Variants in PDGFC observed in about 807,000 individuals in gnomAD.
PDGFC encodes platelet-derived growth factor C.
In PDGFC, 12 loss-of-function variants were observed where a neutral mutation model predicts 35.5. The observed-to-expected ratio is 0.34, with a 90% CI of 0.22 to 0.55. The LOEUF (loss-of-function observed/expected upper bound fraction) is 0.55. Ranked by LOEUF, PDGFC falls within the 20% of genes least tolerant of loss-of-function variation. The probability of loss-of-function intolerance (pLI) is 0.91; values close to 1 mark genes in which losing one functional copy is unlikely to be tolerated. For synonymous variants in PDGFC, 159 were observed against 148.8 expected, an observed-to-expected ratio of 1.07 and a Z score of -0.50; for missense variants, 322 against 412.4, an observed-to-expected ratio of 0.78 and a Z score of 1.90.
At chr4:156,832,209 TA>T (rs1281780804) in intron 2 of PDGFC, among the ~76,000 whole-genome samples, 2 of 149,034 alleles carry the variant, frequency 1.3e-5, no homozygotes, top group African/African-American at 4.9e-5. Flanking sequence ...TTATCTTCCT[TA>T]AAAACAGGCC....
intron 1 of PDGFC, among the ~76,000 whole-genome samples, chr4:156,885,757 T>C (rs1026062823): frequency 1.3e-5 from 2 of 151,982 alleles, no homozygotes; most frequent in African/African-American, 4.8e-5. Context: ...CCAGGCATGG[T>C]GTTATGTGCC....
intron 2 of PDGFC, among the ~76,000 whole-genome samples, chr4:156,840,954 T>G (rs1238231083): frequency 2.0e-5 from 3 of 152,200 alleles, no homozygotes; most frequent in Non-Finnish European, 4.4e-5. Context: ...TCAATGCCTG[T>G]ACCCCCATTG....
intron 3 of PDGFC, among the ~76,000 whole-genome samples, chr4:156,805,404 T>A (rs903620452): frequency 6.6e-6 from 1 of 152,086 alleles, no homozygotes; most frequent in Non-Finnish European, 1.5e-5. Flanking sequence ...AATACAAATC[T>A]ATTTTTAAGT....
intron 3 of PDGFC, among the ~76,000 whole-genome samples, chr4:156,799,767 T>G (rs1731548791): frequency 6.6e-6 from 1 of 152,230 alleles, no homozygotes; most frequent in African/African-American, 2.4e-5. Flanking sequence ...TTCATATTTT[T>G]ACTTTTTCTT....
At chr4:156,817,375 A>C (rs1732116070) in intron 2 of PDGFC, among the ~76,000 whole-genome samples, 1 of 152,204 alleles carries the variant, frequency 6.6e-6, no homozygotes, top group Non-Finnish European at 1.5e-5. Context: ...ATGAGGAAGA[A>C]GATATAATCA....
chr4:156,835,494 T>G (rs925346471), intron 2 of PDGFC, among the ~76,000 whole-genome samples: 1 of 152,182 alleles, frequency 6.6e-6, no homozygotes, highest in Non-Finnish European at 1.5e-5. Flanking sequence ...AAAATGTTAG[T>G]GTCTCTGTAT....
chr4:156,772,718 C>A lies in PDGFC; in HGVS notation c.671G>T (p.Gly224Val), dbSNP rs1170946998. The change falls in exon 4 of 6, where the codon GGC becomes GTC. Residue 224 changes from glycine to valine, a missense_variant. Gly to Val is a moderately radical substitution (Grantham distance 109, BLOSUM62 -3). Around this residue, in one of 2 missense-constraint regions of PDGFC, gnomAD observed 202 missense variants for 295.9 expected, o/e 0.68. Transcript: ENST00000502773. ...DLYRPTWQLL[G>V]KAFVFGRKSR... is the part of the protein sequence containing the mutation. Reference sequence around the variant, plus strand: ...TTTTCTTCCAAAAACAAAAGCCTTGCCAAGAAGTTGCCAAGTTGGCCTATA... The same window carrying A: ...TTTTCTTCCAAAAACAAAAGCCTTGACAAGAAGTTGCCAAGTTGGCCTATA... 6.2e-7 allele frequency: 1 copy of A among 1,613,314 alleles called. No individual in the cohort carries two copies. The highest frequency in any genetic ancestry group is 1.7e-4 in the Middle Eastern group (1 of 6,050).
intron 1 of PDGFC, among the ~76,000 whole-genome samples, chr4:156,900,807 C>A (rs1730750008): frequency 6.6e-6 from 1 of 151,546 alleles, no homozygotes; most frequent in South Asian, 2.1e-4. Flanking sequence ...TGCACTCCAG[C>A]CTGAGTGACA....
intron 1 of PDGFC, among the ~76,000 whole-genome samples, chr4:156,911,403 T>C (rs1731036228): frequency 1.3e-5 from 2 of 152,092 alleles, no homozygotes. Context: ...ACTGAACTAT[T>C]TCCCTTCTCT....
chr4:156,863,025 T>G (rs1729754572), intron 1 of PDGFC, among the ~76,000 whole-genome samples: 1 of 152,038 alleles, frequency 6.6e-6, no homozygotes. Flanking sequence ...ACAATGATTT[T>G]CCGATTACAA....
intron 1 of PDGFC, chr4:156,886,552 T>C (rs1039002925): frequency 1.3e-5 from 2 of 152,216 alleles, no homozygotes; most frequent in Non-Finnish European, 2.9e-5. Flanking sequence ...AGAATCTTGA[T>C]TTTATTCTCT....
intron 4 of PDGFC, chr4:156,770,176 A>G (rs1170892729): frequency 6.6e-6 from 1 of 152,082 alleles, no homozygotes; most frequent in Non-Finnish European, 1.5e-5. Context: ...CTCATTTATC[A>G]TGTTTGACAC....
chr4:156,870,306 T>C (rs1169474294), intron 1 of PDGFC, among the ~76,000 whole-genome samples: 1 of 152,106 alleles, frequency 6.6e-6, no homozygotes, highest in African/African-American at 2.4e-5. Flanking sequence ...CTTCCACCTC[T>C]TACCCATGTA....
intron 2 of PDGFC, among the ~76,000 whole-genome samples, chr4:156,827,190 G>T (rs111390545): frequency 0.059 from 9,032 of 152,152 alleles, 886 homozygotes; most frequent in African/African-American, 0.21. Context: ...GGCCAAGGTG[G>T]GCGGAACACG....
intron 2 of PDGFC, among the ~76,000 whole-genome samples, chr4:156,834,271 A>C (rs1729011154): frequency 6.6e-6 from 1 of 152,140 alleles, no homozygotes; most frequent in Non-Finnish European, 1.5e-5. Flanking sequence ...TATTATAATC[A>C]CTTTTTTGGA....
chr4:156,963,000 T>C (rs112440469), intron 1 of PDGFC, among the ~76,000 whole-genome samples: 2 of 152,272 alleles, frequency 1.3e-5, no homozygotes, highest in East Asian at 1.9e-4. Context: ...ATAGTGTATA[T>C]AGTAGAAATG....
chr4:156,881,968 GTCCAT>G (rs1560855374), intron 1 of PDGFC, among the ~76,000 whole-genome samples: 7 of 151,994 alleles, frequency 4.6e-5, no homozygotes, highest in African/African-American at 1.7e-4. Flanking sequence ...GAAACTGTAA[GTCCAT>G]TAAACCTCTT....
intron 1 of PDGFC, among the ~76,000 whole-genome samples, chr4:156,932,878 C>T (rs996143173): frequency 2.1e-4 from 32 of 151,924 alleles, no homozygotes; most frequent in African/African-American, 7.7e-4. Context: ...CACATGTACC[C>T]TAAAACTTAA....
intron 1 of PDGFC, among the ~76,000 whole-genome samples, chr4:156,937,547 A>G (rs1362342307): frequency 6.6e-6 from 1 of 152,020 alleles, no homozygotes; most frequent in Non-Finnish European, 1.5e-5. Flanking sequence ...AAAGAATACA[A>G]AAAATTCATC....
Sources: allele counts gnomAD v4.1 joint callset (sites outside exome capture counted in the v4.1 genomes callset), GRCh38; gene constraint gnomAD v4.1.1; regional missense constraint gnomAD v4.1.1; transcripts MANE v1.5; gene names NCBI Gene and HGNC (gene_info 2026-07-23, HGNC 2026-07-21).